The following ARFGEF3 variants were observed in gnomAD, a reference collection of about 807,000 sequenced individuals.
ARFGEF3 encodes brefeldin A-inhibited guanine nucleotide-exchange protein 3.
A neutral mutation model predicts 221.7 loss-of-function variants in ARFGEF3; 96 were observed. That is an observed-to-expected ratio of 0.43 (90% CI 0.37 to 0.51). The LOEUF (loss-of-function observed/expected upper bound fraction) is 0.51, where lower values mean the gene tolerates loss of function less well. ARFGEF3 is among the 20% of genes least tolerant of loss of function. The pLI is 0.00. For missense variants in ARFGEF3, 2,410 were observed against 2,789.9 expected, an observed-to-expected ratio of 0.86 and a Z score of 3.07; for synonymous variants, 1,145 against 1,126.8, an observed-to-expected ratio of 1.02 and a Z score of -0.32.
intron 2 of ARFGEF3, among the ~76,000 whole-genome samples, chr6:138,192,313 A>C (rs538895252): frequency 1.3e-5 from 2 of 152,190 alleles, no homozygotes; most frequent in South Asian, 4.1e-4. Flanking sequence ...ACATGACGAA[A>C]CATCGTCTAC....
chr6:138,240,868 C>T (rs375135395), intron 6 of ARFGEF3, among the ~76,000 whole-genome samples: 10 of 152,086 alleles, frequency 6.6e-5, no homozygotes, highest in South Asian at 4.1e-4. Context: ...AAAGAGGCCA[C>T]GTATTCCCCT....
chr6:138,224,690 G>A (rs79717972), intron 4 of ARFGEF3, among the ~76,000 whole-genome samples: 4,842 of 152,222 alleles, frequency 0.032, 231 homozygotes, highest in African/African-American at 0.11. Context: ...AACATGGCAG[G>A]CATCACAAAA....
rs564112815 is a variant in ARFGEF3, at chr6:138,162,825, G to A, written c.85+654G>A. Among the ~76,000 whole-genome samples the A allele has an allele frequency of 2.8e-4, 43 of 152,298 alleles. No homozygotes were observed. Among genetic ancestry groups the A allele is most frequent in the African/African-American group, 1.0e-3 (42 of 41,562 alleles). On this transcript the variant is annotated intron_variant, in intron 1 of 33. Transcript: ENST00000251691. The surrounding 1 kb of genome is among the most constrained non-coding windows in gnomAD (Gnocchi z 4.7). ...CAGACTCAGGTTGCAGAACTCAGCA[G>A]CGGAAAAAAACGGAAAGACATTTCA...
At chr6:138,312,738 G>A (rs1008408111) in intron 25 of ARFGEF3, among the ~76,000 whole-genome samples, 1 of 152,008 alleles carries the variant, frequency 6.6e-6, no homozygotes, top group African/African-American at 2.4e-5. Context: ...TGTTTGCACA[G>A]TTGCTCTGTT....
Position 138,291,974 on chromosome 6 carries a change from T to A in ARFGEF3, c.3289T>A (p.Ser1097Thr). 6.5e-7 allele frequency: 1 copy of A among 1,535,484 alleles called. No individual in the cohort carries two copies. The highest frequency in any genetic ancestry group is 8.7e-7 in the Non-Finnish European group (1 of 1,143,904). The change falls in exon 19 of 34, where the codon TCC (serine) becomes ACC (threonine). Residue 1097 changes from serine (S) to threonine (T), a missense_variant. By Grantham distance (58) the Ser-to-Thr change is moderately conservative (BLOSUM62 1). Around this residue, in one of 5 missense-constraint regions of ARFGEF3, gnomAD observed 184 missense variants for 141.8 expected, o/e 1.30. Coordinates refer to ENST00000251691, the MANE Select transcript of ARFGEF3 (RefSeq NM_020340.5). This position sits in a 1 kb window ranked among gnomAD's most constrained non-coding sequence, Gnocchi z 4.5. The part of the protein sequence containing the change: ...LVREGSRGRA[S>T]DFRGGSLMSG... Reference sequence around the variant, plus strand: ...CCGGGAAGGCAGCCGGGGTCGGGCCTCCGACTTCCGCGGCGGGAGCCTCAT... The same window carrying A: ...CCGGGAAGGCAGCCGGGGTCGGGCCACCGACTTCCGCGGCGGGAGCCTCAT...
Position 138,255,554 on chromosome 6 carries a change from G to A in ARFGEF3, c.889G>A (p.Gly297Arg). 1 of 1,614,008 alleles carries A rather than the reference G, an allele frequency of 6.2e-7. No individual in the cohort carries two copies. The highest frequency in any genetic ancestry group is 1.3e-5 in the African/African-American group (1 of 75,042). ...TSLESDSASP[G>R]VSDHGRGSGC... Reference sequence around the variant, plus strand: ...CCTGGAGTCGGACTCTGCGTCTCCGGGAGTGTCTGACCACGGCCGAGGATC... The same window carrying A: ...CCTGGAGTCGGACTCTGCGTCTCCGAGAGTGTCTGACCACGGCCGAGGATC... Residue 297 changes from glycine to arginine, a missense_variant, in exon 10 of 34, where the codon GGA becomes AGA. This residue lies in a region of ARFGEF3 where 570 missense variants were observed against 586.9 expected (regional missense o/e 0.97). Transcript: ENST00000251691.
chr6:138,191,314 G>A (rs999663136), intron 2 of ARFGEF3, among the ~76,000 whole-genome samples: 5 of 152,120 alleles, frequency 3.3e-5, no homozygotes, highest in African/African-American at 7.2e-5. Context: ...ATCACATAGC[G>A]TGTTAATGAT....
At chr6:138,295,393 G>A (rs957815893) in intron 20 of ARFGEF3, among the ~76,000 whole-genome samples, 1 of 151,922 alleles carries the variant, frequency 6.6e-6, no homozygotes, top group East Asian at 1.9e-4. Context: ...GCCGAGGCGG[G>A]CAGATCACCT....
rs1158497244 is a variant in ARFGEF3 at position 138,287,191 on chromosome 6, A to G, written c.2896+7A>G. The G allele has an allele frequency of 4.5e-6, 7 of 1,555,386 alleles. No homozygotes were observed. The Admixed American group carries it at 9.7e-5, about 22-fold the overall frequency. On this transcript the variant is annotated splice_region_variant and intron_variant, in intron 17 of 33. Coordinates refer to ENST00000251691, the MANE Select transcript of ARFGEF3 (RefSeq NM_020340.5). Reference sequence around the variant, plus strand: ...AGTGATGCCATCACACAAGGTAACAACTGGAGGGCCAGAACCCACCTGGTG... The same window carrying G: ...AGTGATGCCATCACACAAGGTAACAGCTGGAGGGCCAGAACCCACCTGGTG...
intron 2 of ARFGEF3, among the ~76,000 whole-genome samples, chr6:138,200,506 C>G (rs1229161825): frequency 2.0e-5 from 3 of 152,016 alleles, no homozygotes; most frequent in African/African-American, 4.8e-5. Flanking sequence ...AATAGAGAAC[C>G]CAGAAATAAA....
intron 6 of ARFGEF3, among the ~76,000 whole-genome samples, chr6:138,239,856 A>G (rs1163590277): frequency 6.6e-6 from 1 of 152,148 alleles, no homozygotes; most frequent in Admixed American, 6.5e-5. Flanking sequence ...CCTCATTTAT[A>G]GATGAGAAGG....
At chr6:138,307,574 G>A (rs914004594) in intron 23 of ARFGEF3, among the ~76,000 whole-genome samples, 177 bp downstream of exon 23, 1 of 152,212 alleles carries the variant, frequency 6.6e-6, no homozygotes, top group Non-Finnish European at 1.5e-5. Context: ...CAGGCTGAGA[G>A]CCCTGAGCAT....
intron 10 of ARFGEF3, among the ~76,000 whole-genome samples, chr6:138,256,723 G>A (rs541268196): frequency 1.4e-4 from 21 of 152,116 alleles, no homozygotes; most frequent in African/African-American, 4.6e-4. Context: ...TATATGCCAG[G>A]CACTTCACAT....
At position 138,260,553 on chromosome 6, in the gene ARFGEF3, G is replaced by A. The variant is rs532322652; in HGVS notation, c.1105-974G>A. 1.1e-4 allele frequency among the ~76,000 whole-genome samples: 17 copies of A among 152,196 alleles called. No individual in the cohort carries two copies. The East Asian group carries it at 3.3e-3, about 29-fold the overall frequency. ...AGAAATAAATGGGAGGATATGTATA[G>A]CTTTAACTCCTTGTATTAAAAAGCA... On this transcript the variant is annotated intron_variant, in intron 10 of 33. Transcript: ENST00000251691.
chr6:138,165,980 T>C lies in ARFGEF3; in HGVS notation c.85+3809T>C, dbSNP rs189066056. ...CAAAGAATGAAGTAGAATAACTGGTTTAGGCCTAGGCTACAAGTTCCACTG... is the reference window on the plus strand; with the variant it reads ...CAAAGAATGAAGTAGAATAACTGGTCTAGGCCTAGGCTACAAGTTCCACTG... On this transcript the variant is annotated intron_variant, in intron 1 of 33. Coordinates refer to ENST00000251691, the MANE Select transcript of ARFGEF3 (RefSeq NM_020340.5). Among the ~76,000 whole-genome samples the C allele has an allele frequency of 4.0e-3, 611 of 152,338 alleles. 2 individuals carry two copies. The highest frequency in any genetic ancestry group is 0.014 in the African/African-American group (563 of 41,576).
intron 22 of ARFGEF3, among the ~76,000 whole-genome samples, chr6:138,299,198 TAAAAAAAAAAAAAAAA>T (rs60475752): frequency 0.084 from 3,327 of 39,548 alleles, 189 homozygotes; most frequent in African/African-American, 0.2. Context: ...CGAGACTCTG[TAAAAAAAAAAAAAAAA>T]AAAAAAAAAA....
chr6:138,240,874 C>A (rs1778382433), intron 6 of ARFGEF3, among the ~76,000 whole-genome samples: 1 of 152,124 alleles, frequency 6.6e-6, no homozygotes, highest in Non-Finnish European at 1.5e-5. Flanking sequence ...GCCACGTATT[C>A]CCCTGGGAAA....
At chr6:138,214,382 T>C (rs1777794710) in intron 4 of ARFGEF3, among the ~76,000 whole-genome samples, 1 of 152,238 alleles carries the variant, frequency 6.6e-6, no homozygotes, top group Non-Finnish European at 1.5e-5. Context: ...TATATAAGTA[T>C]TTTGTAGGCA....
At chr6:138,278,120 G>A (rs1037945637) in intron 12 of ARFGEF3, among the ~76,000 whole-genome samples, 1 of 152,174 alleles carries the variant, frequency 6.6e-6, no homozygotes, top group Non-Finnish European at 1.5e-5. Context: ...GCCACCGGAG[G>A]GCTCAAGCTA....
Sources: allele counts gnomAD v4.1 joint callset (sites outside exome capture counted in the v4.1 genomes callset), GRCh38; gene constraint gnomAD v4.1.1; regional missense constraint gnomAD v4.1.1; non-coding constraint Gnocchi (gnomAD v3.1); transcripts MANE v1.5; gene names NCBI Gene and HGNC (gene_info 2026-07-23, HGNC 2026-07-21).